TAS1R3: variants seen among roughly 807,000 people sequenced by gnomAD.
TAS1R3 encodes taste receptor type 1 member 3.
In TAS1R3, 58 loss-of-function variants were observed where a neutral mutation model predicts 46.1. The ratio of observed to expected loss-of-function variants is 1.26; its 90% CI spans 1.02 to 1.57. TAS1R3 has a LOEUF of 1.57. Ranked by LOEUF, TAS1R3 falls within the 40% of genes most tolerant of loss-of-function variation. The probability of loss-of-function intolerance (pLI) is 0.00; values close to 1 mark genes in which losing one functional copy is unlikely to be tolerated. For synonymous variants in TAS1R3, 724 were observed against 544.7 expected, an observed-to-expected ratio of 1.33 and a Z score of -4.58; for missense variants, 1,422 against 1,185.8, an observed-to-expected ratio of 1.20 and a Z score of -2.93.
In TAS1R3 at chr1:1,332,596, C is replaced by T. The variant is rs138647824; in HGVS notation, c.1065C>T (p.Gly355=). 34 of 1,611,076 alleles carry T rather than the reference C, an allele frequency of 2.1e-5. No individual in the cohort carries two copies. The highest frequency in any genetic ancestry group is 4.5e-5 in the East Asian group (2 of 44,886). ...ACCCGGCCTTCTGCTCTGCCCTGGG[C>T]GAGAGGGAGCAGGGTCTGGAGGAGG... ...ATDPAFCSAL[G]EREQGLEEDV... is the part of the protein sequence containing the mutation. Residue 355 remains glycine, a synonymous_variant, in exon 3 of 6, where the codon GGC becomes GGT. Transcript: ENST00000339381.
chr1:1,332,626 G>C lies in TAS1R3; in HGVS notation c.1095G>C (p.Val365=). 1 of 1,609,556 alleles carries C rather than the reference G, an allele frequency of 6.2e-7. No homozygotes were observed. Among genetic ancestry groups the C allele is most frequent in the Non-Finnish European group, 8.5e-7 (1 of 1,179,810 alleles). Residue 365 remains valine (V), a synonymous_variant, in exon 3 of 6, where the codon GTG becomes GTC. Coordinates refer to ENST00000339381, the MANE Select transcript of TAS1R3 (RefSeq NM_152228.3). The stretch of plus-strand genomic sequence containing the variant: ...GGGAGCAGGGTCTGGAGGAGGACGT[G>C]GTGGGCCAGCGCTGCCCGCAGTGTG... ...GEREQGLEED[V]VGQRCPQCDC...
chr1:1,334,626 G>C lies in TAS1R3; in HGVS notation c.*162G>C, dbSNP rs1400930648. On this transcript the variant is annotated 3_prime_UTR_variant, in exon 6 of 6. Transcript: ENST00000339381. ...ACAGTGAGCCCTAGGCCTGGAGCAC[G>C]TGGACACCCCTGTGACCATCTGGGC... 5.1e-6 allele frequency: 4 copies of C among 781,712 alleles called. No individual in the cohort carries two copies. Among genetic ancestry groups the C allele is most frequent in the Non-Finnish European group, 7.9e-6 (4 of 505,770 alleles). The allele number at this position is 781,712 out of a possible 1,614,324, so 48.4% of individuals were successfully genotyped here.
rs1301893546 is a variant in TAS1R3, at chr1:1,331,751, C to A, written c.305C>A (p.Thr102Lys). The A allele has an allele frequency of 6.2e-7, 1 of 1,612,802 alleles. No homozygotes were observed. The highest frequency in any genetic ancestry group is 8.5e-7 in the Non-Finnish European group (1 of 1,180,042). The stretch of plus-strand genomic sequence containing the variant: ...CGCCTGGGCTACGACCTCTTTGATA[C>A]GTGCTCGGAGCCTGTGGTGGCCATG... ...GLRLGYDLFDTCSEPVVAMKP... is the reference protein window; with the variant it reads ...GLRLGYDLFDKCSEPVVAMKP... Residue 102 changes from threonine to lysine, a missense_variant, in exon 2 of 6, where the codon ACG (threonine) becomes AAG (lysine). By Grantham distance (78) the Thr-to-Lys change is moderately conservative. Transcript: ENST00000339381.
In TAS1R3 at chr1:1,332,618, G is replaced by A. The variant is rs778958044; in HGVS notation, c.1087G>A (p.Glu363Lys). ...ALGEREQGLEEDVVGQRCPQC... is the reference protein window; with the variant it reads ...ALGEREQGLEKDVVGQRCPQC... ...GGGCGAGAGGGAGCAGGGTCTGGAG[G>A]AGGACGTGGTGGGCCAGCGCTGCCC... The change falls in exon 3 of 6, where the codon GAG (glutamate) becomes AAG (lysine). Residue 363 changes from glutamate (E) to lysine (K), a missense_variant. By Grantham distance (56) the Glu-to-Lys change is moderately conservative. Transcript: ENST00000339381. 1.1e-5 allele frequency: 17 copies of A among 1,610,122 alleles called. No individual in the cohort carries two copies. The highest frequency in any genetic ancestry group is 1.3e-5 in the Non-Finnish European group (15 of 1,179,890).
intron 3 of TAS1R3, 22 bp downstream of exon 3, chr1:1,332,828 G>A (rs1553171784): frequency 1.9e-6 from 3 of 1,596,868 alleles, no homozygotes; most frequent in East Asian, 2.2e-5. Flanking sequence ...AGATGGGGGT[G>A]TGCTGTCCTC....
In TAS1R3 at chr1:1,334,263, G is replaced by C. The variant is rs750377258; in HGVS notation, c.2358G>C (p.Gln786His). The C allele has an allele frequency of 6.2e-7, 1 of 1,612,020 alleles. No homozygotes were observed. The highest frequency in any genetic ancestry group is 2.2e-5 in the East Asian group (1 of 44,878). Residue 786 changes from glutamine to histidine, a missense_variant, in exon 6 of 6, where the codon CAG becomes CAC. Physicochemically the swap from Gln to His is conservative, Grantham distance 24 (BLOSUM62 0). Coordinates refer to ENST00000339381, the MANE Select transcript of TAS1R3 (RefSeq NM_152228.3). ...TTGTGCCCCTCCTGGCCAATGTGCA[G>C]GTGGTCCTCAGGCCCGCCGTGCAGA... ...VSFVPLLANV[Q>H]VVLRPAVQMG...
rs764462295 is a variant in TAS1R3, at chr1:1,334,001, A to G, written c.2096A>G (p.Tyr699Cys). The G allele has an allele frequency of 8.1e-6, 13 of 1,600,834 alleles. No homozygotes were observed. The Admixed American group carries it at 2.2e-4, about 27-fold the overall frequency. The change falls in exon 6 of 6, where the codon TAC (tyrosine) becomes TGC (cysteine). Residue 699 changes from tyrosine to cysteine, a missense_variant. Transcript: ENST00000339381. ...GTGGAGGTCGCACTGTGCACCTGGT[A>G]CCTGGTGGCCTTCCCGCCGGAGGTG... The part of the protein sequence containing the change: ...MLVEVALCTW[Y>C]LVAFPPEVVT...
At chr1:1,333,472 G>A in intron 5 of TAS1R3, 34 bp from the exon 6 acceptor site, 2 of 1,600,214 alleles carry the variant, frequency 1.2e-6, no homozygotes, top group African/African-American at 1.3e-5. Flanking sequence ...CAGGGTACAA[G>A]ACGAACACCC....
Position 1,331,620 on chromosome 1 carries a change from G to C in TAS1R3, c.192-18G>C, listed in dbSNP as rs142790389. ...AGCTGGGGCCGAGGTGGCCATCTGC[G>C]GTTCTGTGTGGCCCCAGGTTCTCCT... On this transcript the variant is annotated intron_variant, in intron 1 of 5. Transcript: ENST00000339381. The C allele has an allele frequency of 4.4e-6, 7 of 1,607,192 alleles. No homozygotes were observed. Among genetic ancestry groups the C allele is most frequent in the Non-Finnish European group, 5.1e-6 (6 of 1,175,910 alleles).
rs140982893 is a variant in TAS1R3, at chr1:1,332,530, G to C, written c.999G>C (p.Glu333Asp). ...GFLQRGAQLH[E>D]FPQYVKTHLA... is the part of the protein sequence containing the mutation. ...TCCAGAGGGGTGCCCAGCTGCACGA[G>C]TTCCCCCAGTACGTGAAGACGCACC... Residue 333 changes from glutamate (E) to aspartate (D), a missense_variant, in exon 3 of 6, where the codon GAG becomes GAC. Physicochemically the swap from Glu to Asp is conservative, Grantham distance 45. Transcript: ENST00000339381. 1.2e-6 allele frequency: 2 copies of C among 1,611,712 alleles called. No individual in the cohort carries two copies. Among genetic ancestry groups the C allele is most frequent in the Non-Finnish European group, 1.7e-6 (2 of 1,179,948 alleles).
In TAS1R3 at chr1:1,332,475, T is replaced by C; in HGVS notation, c.944T>C (p.Met315Thr). Residue 315 changes from methionine (M) to threonine (T), a missense_variant, in exon 3 of 6, where the codon ATG becomes ACG. Coordinates refer to ENST00000339381, the MANE Select transcript of TAS1R3 (RefSeq NM_152228.3). ...TSDLVMGLPGMAQMGTVLGFL... is the reference protein window; with the variant it reads ...TSDLVMGLPGTAQMGTVLGFL... ...GACCTGGTCATGGGGCTGCCCGGCA[T>C]GGCCCAGATGGGCACGGTGCTTGGC... 6.2e-7 allele frequency: 1 copy of C among 1,610,280 alleles called. No homozygotes were observed. The highest frequency in any genetic ancestry group is 8.5e-7 in the Non-Finnish European group (1 of 1,179,838).
At chr1:1,333,184 C>A in intron 4 of TAS1R3, 60 bp downstream of exon 4, 1 of 1,591,076 alleles carries the variant, frequency 6.3e-7, no homozygotes. Flanking sequence ...AGGGCGCAGC[C>A]TGGGGGTGGG....
In TAS1R3 at chr1:1,332,720, G is replaced by GT; in HGVS notation, c.1190dup (p.Tyr398ValfsTer2). On this transcript the variant is annotated frameshift_variant, in exon 3 of 6. Coordinates refer to ENST00000339381, the MANE Select transcript of TAS1R3 (RefSeq NM_152228.3). LOFTEE classifies it high-confidence loss of function. ...CCAGACGTTCTCTGTCTACGCAGCT[G>GT]TGTATAGCGTGGCCCAGGCCCTGCA... 1 of 1,604,268 alleles carries GT rather than the reference G, an allele frequency of 6.2e-7. No individual in the cohort carries two copies.
intron 4 of TAS1R3, 45 bp from the exon 5 acceptor site, chr1:1,333,214 G>C (rs1455358129): frequency 6.3e-7 from 1 of 1,594,184 alleles, no homozygotes; most frequent in Admixed American, 1.7e-5. Flanking sequence ...AGTCTCCCGT[G>C]GGCATGCCCA....
Position 1,334,157 on chromosome 1 carries a change from T to A in TAS1R3, c.2252T>A (p.Val751Glu), listed in dbSNP as rs1319752466. 1 of 1,585,406 alleles carries A rather than the reference T, an allele frequency of 6.3e-7. No homozygotes were observed. Among genetic ancestry groups the A allele is most frequent in the African/African-American group, 1.3e-5 (1 of 74,370 alleles). The change falls in exon 6 of 6, where the codon GTG becomes GAG. Residue 751 changes from valine to glutamate, a missense_variant. Coordinates refer to ENST00000339381, the MANE Select transcript of TAS1R3 (RefSeq NM_152228.3). The part of the protein sequence containing the change: ...AFLCFLGTFL[V>E]RSQPGCYNRA... ...CTCTGCTTCCTGGGCACTTTCCTGG[T>A]GCGGAGCCAGCCGGGCTGCTACAAC...
Position 1,334,295 on chromosome 1 carries a change from C to T in TAS1R3, c.2390C>T (p.Ala797Val), listed in dbSNP as rs200756454. Residue 797 changes from alanine (A) to valine (V), a missense_variant, in exon 6 of 6, where the codon GCC (alanine) becomes GTC (valine). Physicochemically the swap from Ala to Val is moderately conservative, Grantham distance 64. Coordinates refer to ENST00000339381, the MANE Select transcript of TAS1R3 (RefSeq NM_152228.3). ...VVLRPAVQMG[A>V]LLLCVLGILA... The stretch of plus-strand genomic sequence containing the variant: ...CTCAGGCCCGCCGTGCAGATGGGCG[C>T]CCTCCTGCTCTGTGTCCTGGGCATC... 6.2e-6 allele frequency: 10 copies of T among 1,611,390 alleles called. No individual in the cohort carries two copies. The East Asian group carries it at 2.2e-4, about 36-fold the overall frequency.
rs774961909 is a variant in TAS1R3, at chr1:1,333,711, G to C, written c.1806G>C (p.Ser602=). ...GGGACAGCCCACTGGTTCAGGCCTCGGGGGGGCCCCTGGCCTGCTTTGGCC... is the reference window on the plus strand; with the variant it reads ...GGGACAGCCCACTGGTTCAGGCCTCCGGGGGGCCCCTGGCCTGCTTTGGCC... The part of the protein sequence containing the change: ...HHRDSPLVQA[S]GGPLACFGLV... Residue 602 remains serine, a synonymous_variant, in exon 6 of 6, where the codon TCG becomes TCC. Coordinates refer to ENST00000339381, the MANE Select transcript of TAS1R3 (RefSeq NM_152228.3). The C allele has an allele frequency of 6.2e-6, 10 of 1,607,946 alleles. No homozygotes were observed. The highest frequency in any genetic ancestry group is 2.7e-5 in the African/African-American group (2 of 74,982).
Position 1,334,367 on chromosome 1 carries a change from C to G in TAS1R3, c.2462C>G (p.Pro821Arg). Residue 821 changes from proline to arginine, a missense_variant, in exon 6 of 6, where the codon CCA becomes CGA. Coordinates refer to ENST00000339381, the MANE Select transcript of TAS1R3 (RefSeq NM_152228.3). ...LPRCYLLMRQ[P>R]GLNTPEFFLG... is the part of the protein sequence containing the mutation. ...AGGTGTTACCTGCTCATGCGGCAGC[C>G]AGGGCTCAACACCCCCGAGTTCTTC... 3.7e-6 allele frequency: 6 copies of G among 1,610,660 alleles called. No homozygotes were observed. The highest frequency in any genetic ancestry group is 1.1e-5 in the South Asian group (1 of 90,788).
chr1:1,334,559 G>T lies in TAS1R3; in HGVS notation c.*95G>T. The T allele has an allele frequency of 7.4e-7, 1 of 1,356,576 alleles. No individual in the cohort carries two copies. The highest frequency in any genetic ancestry group is 9.8e-7 in the Non-Finnish European group (1 of 1,025,502). The allele number at this position is 1,356,576 out of a possible 1,614,324, so 84.0% of individuals were successfully genotyped here. On this transcript the variant is annotated 3_prime_UTR_variant, in exon 6 of 6. Transcript: ENST00000339381. ...CGTGTCTCGCTACAGAGACCCTCCC[G>T]CTCTAGGTTCTGACCCCAGGTTGTC... is the stretch of plus-strand genomic sequence containing the variant.
Sources: allele counts gnomAD v4.1 joint callset, GRCh38; gene constraint gnomAD v4.1.1; transcripts MANE v1.5; gene names NCBI Gene and HGNC (gene_info 2026-07-23, HGNC 2026-07-21).